ZBTB40: variants seen among roughly 807,000 people sequenced by gnomAD.
The protein encoded by ZBTB40 is zinc finger and BTB domain containing 40, also known as zinc finger and BTB domain-containing protein 40.
ZBTB40 carries 60 observed loss-of-function variants against 117.5 expected under a neutral mutation model. The observed-to-expected ratio is 0.51, with a 90% confidence interval of 0.41 to 0.63. The LOEUF (loss-of-function observed/expected upper bound fraction) is 0.63. ZBTB40 is among the 30% of genes least tolerant of loss of function. ZBTB40 has a pLI of 0.00. For missense variants in ZBTB40, 1,287 were observed against 1,498.5 expected, an observed-to-expected ratio of 0.86 and a Z score of 2.33; for synonymous variants, 525 against 577.1, an observed-to-expected ratio of 0.91 and a Z score of 1.29.
At chr1:22,441,473 C>CTTTTTTTTTTTTTTTTTT (rs71020419) in intron 1 of ZBTB40, among the ~76,000 whole-genome samples, 13 of 73,720 alleles carry the variant, frequency 1.8e-4, no homozygotes, top group South Asian at 6.1e-4. Context: ...TATTTGCTTT[C>CTTTTTTTTTTTTTTTTTT]TTTTTTTTTT....
At chr1:22,452,773 A>G (rs763372451) in intron 1 of ZBTB40, 9 of 152,438 alleles carry the variant, frequency 5.9e-5, no homozygotes, top group Admixed American at 3.9e-4. Context: ...TGCGCGATGC[A>G]CCGAGAGCAC....
upstream of ZBTB40, among the ~76,000 whole-genome samples, chr1:22,451,107 G>A (rs1640859167): frequency 1.3e-5 from 2 of 152,188 alleles, no homozygotes; most frequent in East Asian, 3.8e-4. Flanking sequence ...AAATCCCAAA[G>A]CCCCTAAATC....
intron 1 of ZBTB40, among the ~76,000 whole-genome samples, chr1:22,483,117 C>T (rs949833949): frequency 3.3e-5 from 5 of 151,998 alleles, no homozygotes; most frequent in African/African-American, 1.2e-4. Flanking sequence ...AAGTTTCCTC[C>T]CTGTCTTTTC....
chr1:22,500,808 ACT>A (rs913714168), intron 3 of ZBTB40, among the ~76,000 whole-genome samples: 121 of 152,334 alleles, frequency 7.9e-4, no homozygotes, highest in African/African-American at 2.6e-3. Context: ...AAGCCAACAC[ACT>A]GTTAGCCTTA....
intron 1 of ZBTB40, among the ~76,000 whole-genome samples, chr1:22,465,753 G>T (rs1283985305): frequency 6.6e-6 from 1 of 152,154 alleles, no homozygotes; most frequent in Non-Finnish European, 1.5e-5. Flanking sequence ...TTGCAGCCAT[G>T]GTTTGGGGGG....
chr1:22,480,816 T>C (rs964605080), intron 1 of ZBTB40, among the ~76,000 whole-genome samples: 9 of 152,224 alleles, frequency 5.9e-5, no homozygotes, highest in Non-Finnish European at 1.2e-4. Context: ...TTACCTTTTT[T>C]CCTGCTGATG....
rs1204354536 is a variant in ZBTB40 at position 22,511,211 on chromosome 1, T to C, written c.1866T>C (p.Pro622=). 1.7e-5 allele frequency: 28 copies of C among 1,613,342 alleles called. 1 individual carries two copies. The highest frequency in any genetic ancestry group is 2.3e-5 in the Non-Finnish European group (27 of 1,179,764). ...GCATTCCCTCTGAGACAGCCAGCCC[T>C]GAAGCTTCCCTGAGAGCAGTGCTGA... ...ILSIPSETAS[P]EASLRAVLSR... is the part of the protein sequence containing the mutation. Residue 622 remains proline, a synonymous_variant, in exon 10 of 18, where the codon CCT becomes CCC. Coordinates refer to ENST00000375647, the MANE Select transcript of ZBTB40 (RefSeq NM_014870.4).
At chr1:22,504,230 T>A (rs919799086) in intron 5 of ZBTB40, among the ~76,000 whole-genome samples, 1 of 152,200 alleles carries the variant, frequency 6.6e-6, no homozygotes, top group South Asian at 2.1e-4. Flanking sequence ...AAACTTTTTT[T>A]CTGGTTAGAA....
rs543306859 is a variant in ZBTB40, at chr1:22,519,680, G to A, written c.2834-381G>A. The A allele has an allele frequency of 1.3e-4, 44 of 331,292 alleles. 1 individual carries two copies. The highest frequency in any genetic ancestry group is 2.2e-4 in the Non-Finnish European group (38 of 170,374). 20.5% of individuals were successfully genotyped at this position (331,292 alleles called of 1,614,324 possible). A position where few individuals can be genotyped will look rare whatever the true frequency, so the allele number is the denominator to read the frequency against. On this transcript the variant is annotated intron_variant, in intron 13 of 17. Coordinates refer to ENST00000375647, the MANE Select transcript of ZBTB40 (RefSeq NM_014870.4). ...TTAGTGATGCTCTGGGGAGTGTGCT[G>A]GAAATCCTCTACAGAGAATTAGAAA...
rs182827799 is a variant in ZBTB40 at position 22,467,002 on chromosome 1, A to G, written c.-70+14998A>G. On this transcript the variant is annotated intron_variant, in intron 1 of 17. Coordinates refer to ENST00000375647, the MANE Select transcript of ZBTB40 (RefSeq NM_014870.4). ...TAATTTTATGGCTGCATAATATTCC[A>G]TAATATGGCTGTATGCCATATTTAC... 5.6e-3 allele frequency among the ~76,000 whole-genome samples: 860 copies of G among 152,254 alleles called. 4 individuals carry two copies. Among genetic ancestry groups the G allele is most frequent in the Middle Eastern group, 0.01 (3 of 294 alleles).
At chr1:22,506,369 T>C (rs1352483373) in intron 6 of ZBTB40, 128 bp downstream of exon 6, 1 of 955,884 alleles carries the variant, frequency 1.0e-6, no homozygotes, top group Non-Finnish European at 1.6e-6. Flanking sequence ...GAATAGAAAC[T>C]AGCCGTCATA....
At chr1:22,485,591 G>A (rs1638443740) in intron 1 of ZBTB40, among the ~76,000 whole-genome samples, 1 of 151,998 alleles carries the variant, frequency 6.6e-6, no homozygotes, top group African/African-American at 2.4e-5. Context: ...CTGGATCTGT[G>A]ATGTGGTGTC....
intron 1 of ZBTB40, among the ~76,000 whole-genome samples, chr1:22,476,894 G>A (rs994201977): frequency 5.9e-5 from 9 of 152,130 alleles, no homozygotes; most frequent in Non-Finnish European, 1.2e-4. Context: ...ACAGGACTTC[G>A]AGATTCCAAC....
At position 22,501,470 on chromosome 1, in the gene ZBTB40, T is replaced by C. The variant is rs780934035; in HGVS notation, c.832-22T>C. 3.1e-6 allele frequency: 5 copies of C among 1,613,848 alleles called. No homozygotes were observed. In the Admixed American group the frequency reaches 8.3e-5, roughly 27 times the overall value. On this transcript the variant is annotated intron_variant, in intron 3 of 17. Coordinates refer to ENST00000375647, the MANE Select transcript of ZBTB40 (RefSeq NM_014870.4). ...TTCTTGTGGTTCGCTAATCTATCTTTCTGGGTACTTTTGTTCCATAGATGA... is the reference window on the plus strand; with the variant it reads ...TTCTTGTGGTTCGCTAATCTATCTTCCTGGGTACTTTTGTTCCATAGATGA...
chr1:22,513,633 G>A lies in ZBTB40; in HGVS notation c.2668+503G>A, dbSNP rs1639301151. ...GGAGAATGGTGTGAACCTGGGAGGT[G>A]GAACTTGCAGTGAGCTGAGATTGTG... is the stretch of plus-strand genomic sequence containing the variant. On this transcript the variant is annotated intron_variant, in intron 12 of 17. Transcript: ENST00000375647. This position sits in a 1 kb window ranked among gnomAD's most constrained non-coding sequence, Gnocchi z 4.9. Among the ~76,000 whole-genome samples, 1 of 152,118 alleles carries A rather than the reference G, an allele frequency of 6.6e-6. No individual in the cohort carries two copies. Among genetic ancestry groups the A allele is most frequent in the South Asian group, 2.1e-4 (1 of 4,820 alleles).
At position 22,508,652 on chromosome 1, in the gene ZBTB40, G is replaced by A; in HGVS notation, c.1620G>A (p.Gln540=). The A allele has an allele frequency of 6.2e-7, 1 of 1,614,176 alleles. No homozygotes were observed. Among genetic ancestry groups the A allele is most frequent in the South Asian group, 1.1e-5 (1 of 91,074 alleles). The change falls in exon 8 of 18, where the codon CAG becomes CAA. Residue 540 remains glutamine, a synonymous_variant. Coordinates refer to ENST00000375647, the MANE Select transcript of ZBTB40 (RefSeq NM_014870.4). The part of the protein sequence containing the change: ...TAIWQLLLVV[Q]ETKTCPLDLL... ...TTTGGCAACTGCTGCTGGTGGTTCA[G>A]GAGACAAAGACCTGTCCATTGGACC...
intron 16 of ZBTB40, among the ~76,000 whole-genome samples, chr1:22,523,401 C>T (rs1350627784): frequency 6.6e-6 from 1 of 152,106 alleles, no homozygotes; most frequent in Non-Finnish European, 1.5e-5. Flanking sequence ...CTCTAGTGTG[C>T]ATACATACAA....
chr1:22,515,887 G>A (rs1324327554), intron 12 of ZBTB40, among the ~76,000 whole-genome samples: 1 of 152,182 alleles, frequency 6.6e-6, no homozygotes, highest in Admixed American at 6.5e-5. Flanking sequence ...GTTAATTCTG[G>A]CCACTCCAGA....
chr1:22,471,881 G>T (rs1480166906), intron 1 of ZBTB40, among the ~76,000 whole-genome samples: 1 of 152,228 alleles, frequency 6.6e-6, no homozygotes, highest in Non-Finnish European at 1.5e-5. Context: ...GCACTCGAGA[G>T]CAGAGTAAGC....
Sources: allele counts gnomAD v4.1 joint callset (sites outside exome capture counted in the v4.1 genomes callset), GRCh38; gene constraint gnomAD v4.1.1; non-coding constraint Gnocchi (gnomAD v3.1); transcripts MANE v1.5; gene names NCBI Gene and HGNC (gene_info 2026-07-23, HGNC 2026-07-21).